RNF207: variants seen among roughly 807,000 people sequenced by gnomAD.
RNF207 encodes ring finger protein 207.
A neutral mutation model predicts 79.0 loss-of-function variants in RNF207; 72 were observed. The observed-to-expected ratio is 0.91, with a 90% CI of 0.75 to 1.11. RNF207 has a LOEUF of 1.11. Among genes scored for constraint, RNF207 ranks in the 50% least tolerant of loss-of-function variants. The pLI, the probability that RNF207 is intolerant of heterozygous loss-of-function variation, is 0.00. For missense variants in RNF207, 936 were observed against 855.8 expected (o/e 1.09, Z -1.17); for synonymous variants, 348 against 366.2 (o/e 0.95, Z 0.57).
rs1403290713 is a variant in RNF207 at position 6,217,148 on chromosome 1, C to T, written c.1653-1141C>T. 6.6e-6 allele frequency among the ~76,000 whole-genome samples: 1 copy of T among 152,164 alleles called. No homozygotes were observed. The highest frequency in any genetic ancestry group is 1.5e-5 in the Non-Finnish European group (1 of 68,022). ...CCTTCCAAAATGCTGGGATTATAGA[C>T]GTGACCGTGCCTAGCCATGTTAGTC... is the stretch of plus-strand genomic sequence containing the variant. On this transcript the variant is annotated intron_variant, in intron 16 of 17. Transcript: ENST00000377939. This position sits in a 1 kb window ranked among gnomAD's most constrained non-coding sequence, Gnocchi z 4.2.
chr1:6,216,487 G>A (rs752390625), intron 16 of RNF207, among the ~76,000 whole-genome samples: 6 of 151,916 alleles, frequency 3.9e-5, no homozygotes, highest in East Asian at 1.9e-4. Context: ...TGCTCCAGTC[G>A]CAGCGAGCCC....
rs898883929 is a variant in RNF207, at chr1:6,208,812, C to G, written c.325-69C>G. On this transcript the variant is annotated intron_variant, in intron 3 of 17. Transcript: ENST00000377939. The stretch of plus-strand genomic sequence containing the variant: ...TGGGACAAACACGCGCAGTGACACG[C>G]GGCGGCTGCGGTTCCCGCGCTGGCC... The G allele has an allele frequency of 4.1e-6, 6 of 1,447,352 alleles. No individual in the cohort carries two copies. The Admixed American group carries it at 9.9e-5, about 24-fold the overall frequency. The allele number at this position is 1,447,352 out of a possible 1,614,324, so 89.7% of individuals were successfully genotyped here. A position where few individuals can be genotyped will look rare whatever the true frequency, so the allele number is the denominator to read the frequency against.
rs1295753651 is a variant in RNF207 at position 6,217,258 on chromosome 1, G to GGCTCTGCCTC, written c.1653-1030_1653-1021dup. On this transcript the variant is annotated intron_variant, in intron 16 of 17. Transcript: ENST00000377939. The surrounding 1 kb of genome is among the most constrained non-coding windows in gnomAD (Gnocchi z 4.2). Reference sequence around the variant, plus strand: ...AGCCGTTCCTTCCTGGTCTCTGGCTGGCTCTGCCTCCTCAGCTCAGTGCCC... The same window carrying GGCTCTGCCTC: ...AGCCGTTCCTTCCTGGTCTCTGGCTGGCTCTGCCTCGCTCTGCCTCCTCAGCTCAGTGCCC... 2.6e-5 allele frequency among the ~76,000 whole-genome samples: 4 copies of GGCTCTGCCTC among 152,132 alleles called. 1 individual carries two copies. In the East Asian group the frequency reaches 7.7e-4, roughly 29 times the overall value.
At position 6,206,132 on chromosome 1, in the gene RNF207, G is replaced by A; in HGVS notation, c.-171G>A. On this transcript the variant is annotated 5_prime_UTR_variant, in exon 1 of 18. Transcript: ENST00000377939. The stretch of plus-strand genomic sequence containing the variant: ...AGAGGCCACGGCAGAGGGAGGCCCC[G>A]CGCAGAGTGGGAACCATCGCCCGGT... 5.6e-6 allele frequency: 1 copy of A among 177,948 alleles called. No individual in the cohort carries two copies. The highest frequency in any genetic ancestry group is 1.2e-5 in the Non-Finnish European group (1 of 85,780). The allele number at this position is 177,948 out of a possible 1,614,324, so 11.0% of individuals were successfully genotyped here.
rs1285268352 is a variant in RNF207, at chr1:6,217,978, G to A, written c.1653-311G>A. ...CCAGCTTGGATGAGTGTCAGCAGAGGCCCTCCCCACTCCACCTGGATTAAA... is the reference window on the plus strand; with the variant it reads ...CCAGCTTGGATGAGTGTCAGCAGAGACCCTCCCCACTCCACCTGGATTAAA... On this transcript the variant is annotated intron_variant, in intron 16 of 17. Transcript: ENST00000377939. The surrounding 1 kb of genome is among the most constrained non-coding windows in gnomAD (Gnocchi z 4.2). 6.6e-6 allele frequency among the ~76,000 whole-genome samples: 1 copy of A among 152,160 alleles called. No individual in the cohort carries two copies. The highest frequency in any genetic ancestry group is 1.5e-5 in the Non-Finnish European group (1 of 68,032).
intron 16 of RNF207, among the ~76,000 whole-genome samples, chr1:6,215,212 G>A (rs1215088876): frequency 6.6e-6 from 1 of 151,818 alleles, no homozygotes; most frequent in African/African-American, 2.4e-5. Flanking sequence ...ATTTTTAGTA[G>A]AGACAGGGTT....
At chr1:6,218,685 T>C (rs2100949035) in intron 17 of RNF207, among the ~76,000 whole-genome samples, 1 of 152,252 alleles carries the variant, frequency 6.6e-6, no homozygotes, top group East Asian at 1.9e-4. Flanking sequence ...GTCACTGAAA[T>C]GAGAAAGTGA....
intron 17 of RNF207, among the ~76,000 whole-genome samples, chr1:6,218,756 G>A (rs1668449493): frequency 6.6e-6 from 1 of 152,214 alleles, no homozygotes; most frequent in Admixed American, 6.5e-5. Context: ...GAAGACGGCT[G>A]TGCATTAACA....
chr1:6,220,806 C>G lies in RNF207; in HGVS notation c.*1399C>G, dbSNP rs567656482. ...TAAATGCTTTTTAAAAAGTAACCCA[C>G]GTGACGTAAAATTTTACAAGTTTTT... On this transcript the variant is annotated 3_prime_UTR_variant, in exon 18 of 18. Coordinates refer to ENST00000377939, the MANE Select transcript of RNF207 (RefSeq NM_207396.3). 6.6e-6 allele frequency: 1 copy of G among 152,202 alleles called. No individual in the cohort carries two copies. The highest frequency in any genetic ancestry group is 1.5e-5 in the Non-Finnish European group (1 of 68,032). 9.4% of individuals were successfully genotyped at this position (152,202 alleles called of 1,614,324 possible). A position where few individuals can be genotyped will look rare whatever the true frequency, so the allele number is the denominator to read the frequency against.
intron 3 of RNF207, 105 bp from the exon 4 acceptor site, chr1:6,208,776 C>G (rs1447425757): frequency 2.4e-6 from 3 of 1,238,594 alleles, no homozygotes; most frequent in South Asian, 3.1e-5. Context: ...AGCTGCGCAC[C>G]CGGCCACGGC....
chr1:6,219,433 G>C lies in RNF207; in HGVS notation c.*26G>C. 6.4e-7 allele frequency: 1 copy of C among 1,556,016 alleles called. No homozygotes were observed. The highest frequency in any genetic ancestry group is 8.7e-7 in the Non-Finnish European group (1 of 1,143,432). ...CAAATGGGACCGGTCCCCAGGGTCA[G>C]GCTCTTAGAGCAGGCACAAGACTGG... is the stretch of plus-strand genomic sequence containing the variant. On this transcript the variant is annotated 3_prime_UTR_variant, in exon 18 of 18. Transcript: ENST00000377939.
rs1667914410 is a variant in RNF207 at position 6,206,642 on chromosome 1, G to A, written c.107G>A (p.Cys36Tyr). Residue 36 changes from cysteine to tyrosine, a missense_variant, in exon 2 of 18, where the codon TGT becomes TAT. Cys to Tyr is a radical substitution (Grantham distance 194). Coordinates refer to ENST00000377939, the MANE Select transcript of RNF207 (RefSeq NM_207396.3). The part of the protein sequence containing the change: ...PLCHVQYERP[C>Y]LLDCFHDFCA... The stretch of plus-strand genomic sequence containing the variant: ...TGCCACGTGCAGTACGAGCGCCCGT[G>A]TCTTCTGGACTGTTTCCACGACTTC... 2 of 1,608,130 alleles carry A rather than the reference G, an allele frequency of 1.2e-6. No individual in the cohort carries two copies.
chr1:6,216,375 T>G (rs1342707910), intron 16 of RNF207, among the ~76,000 whole-genome samples: 1 of 152,168 alleles, frequency 6.6e-6, no homozygotes, highest in Non-Finnish European at 1.5e-5. Context: ...TGGGGCCGGC[T>G]CTGCTCCTCT....
intron 17 of RNF207, 70 bp from the exon 18 acceptor site, chr1:6,219,166 A>G: frequency 1.4e-6 from 2 of 1,423,704 alleles, no homozygotes; most frequent in Non-Finnish European, 1.9e-6. Flanking sequence ...CTTTGGCCCA[A>G]GTGGATTTTA....
chr1:6,207,656 T>A lies in RNF207; in HGVS notation c.324+145T>A. 1 of 914,812 alleles carries A rather than the reference T, an allele frequency of 1.1e-6. No individual in the cohort carries two copies. The highest frequency in any genetic ancestry group is 2.1e-4 in the Middle Eastern group (1 of 4,792). 56.7% of individuals were successfully genotyped at this position (914,812 alleles called of 1,614,324 possible). On this transcript the variant is annotated intron_variant, in intron 3 of 17. Coordinates refer to ENST00000377939, the MANE Select transcript of RNF207 (RefSeq NM_207396.3). This position sits in a 1 kb window ranked among gnomAD's most constrained non-coding sequence, Gnocchi z 4.5. ...CTCCCTAGGGCACCTTGGCCCCAAATGTGAACCCCATTATACCGGTGGGGA... is the reference window on the plus strand; with the variant it reads ...CTCCCTAGGGCACCTTGGCCCCAAAAGTGAACCCCATTATACCGGTGGGGA...
At position 6,209,627 on chromosome 1, in the gene RNF207, G is replaced by A. The variant is rs1239291888; in HGVS notation, c.753+88G>A. 3 of 1,368,692 alleles carry A rather than the reference G, an allele frequency of 2.2e-6. No homozygotes were observed. In the African/African-American group the frequency reaches 4.5e-5, roughly 21 times the overall value. The allele number at this position is 1,368,692 out of a possible 1,614,324, so 84.8% of individuals were successfully genotyped here. A position where few individuals can be genotyped will look rare whatever the true frequency, so the allele number is the denominator to read the frequency against. The stretch of plus-strand genomic sequence containing the variant: ...CTTGCCCTTGTGGATTTCCAGTGTA[G>A]TGGGGCAGCAGGCCTTGCACCAAGC... On this transcript the variant is annotated intron_variant, in intron 7 of 17. Transcript: ENST00000377939.
chr1:6,212,052 G>A lies in RNF207; in HGVS notation c.1295G>A (p.Arg432Gln), dbSNP rs755620117. The change falls in exon 13 of 18, where the codon CGG (arginine) becomes CAG (glutamine). Residue 432 changes from arginine (R) to glutamine (Q), a missense_variant and splice_region_variant. Transcript: ENST00000377939. ...EHCRHYEDSYRHLQAEMQSLK... is the reference protein window; with the variant it reads ...EHCRHYEDSYQHLQAEMQSLK... ...TGCCGCCACTATGAGGACTCCTACC[G>A]GGTGAGGGGGCAGGGATCTGCCGGA... 4.9e-5 allele frequency: 78 copies of A among 1,594,852 alleles called. No individual in the cohort carries two copies. The highest frequency in any genetic ancestry group is 6.8e-5 in the African/African-American group (5 of 73,632).
At chr1:6,208,587 G>T in intron 3 of RNF207, 1 of 409,672 alleles carries the variant, frequency 2.4e-6, no homozygotes, top group South Asian at 3.0e-5. Flanking sequence ...GATTACAGGC[G>T]TGAGCCACCG....
In RNF207 at chr1:6,209,551, G is replaced by A; in HGVS notation, c.753+12G>A. The stretch of plus-strand genomic sequence containing the variant: ...TCGGCAGCATGCAGGTGAGGGGTGG[G>A]GGTTGGGGGATAAACGACCCAGCCG... On this transcript the variant is annotated intron_variant, in intron 7 of 17. Coordinates refer to ENST00000377939, the MANE Select transcript of RNF207 (RefSeq NM_207396.3). 1 of 1,448,468 alleles carries A rather than the reference G, an allele frequency of 6.9e-7. No individual in the cohort carries two copies. The highest frequency in any genetic ancestry group is 9.0e-7 in the Non-Finnish European group (1 of 1,109,932). 89.7% of individuals were successfully genotyped at this position (1,448,468 alleles called of 1,614,324 possible). A position where few individuals can be genotyped will look rare whatever the true frequency, so the allele number is the denominator to read the frequency against.
Sources: allele counts gnomAD v4.1 joint callset (sites outside exome capture counted in the v4.1 genomes callset), GRCh38; gene constraint gnomAD v4.1.1; non-coding constraint Gnocchi (gnomAD v3.1); transcripts MANE v1.5; gene names NCBI Gene and HGNC (gene_info 2026-07-23, HGNC 2026-07-21).